PTPRD: variants seen among roughly 807,000 people sequenced by gnomAD.
PTPRD encodes the protein receptor-type tyrosine-protein phosphatase delta.
In PTPRD, 34 loss-of-function variants were observed where a neutral mutation model predicts 214.5. That is an observed-to-expected ratio of 0.16 (90% CI 0.12 to 0.21). PTPRD has a LOEUF of 0.21. Ranked by LOEUF, PTPRD falls within the 10% of genes least tolerant of loss-of-function variation. PTPRD has a pLI of 1.00. For missense variants in PTPRD, 2,545 were observed against 2,398.7 expected (o/e 1.06, Z -1.27); for synonymous variants, 1,128 against 845.7 (o/e 1.33, Z -5.79).
intron 3 of PTPRD, among the ~76,000 whole-genome samples, chr9:10,203,913 A>T (rs2154336019): frequency 6.6e-6 from 1 of 152,322 alleles, no homozygotes; most frequent in South Asian, 2.1e-4. Context: ...GCAAGGGCAA[A>T]GTTGAAGCTA....
chr9:10,228,367 C>T (rs2099596258), intron 3 of PTPRD, among the ~76,000 whole-genome samples: 3 of 152,006 alleles, frequency 2.0e-5, no homozygotes, highest in African/African-American at 7.2e-5. Flanking sequence ...CCCACATCCA[C>T]AGGATATTTC....
chr9:9,151,171 G>T (rs150104988), intron 10 of PTPRD, among the ~76,000 whole-genome samples: 3 of 152,130 alleles, frequency 2.0e-5, no homozygotes, highest in African/African-American at 7.2e-5. Flanking sequence ...CTTTTACCTC[G>T]GATCTCAATG....
intron 5 of PTPRD, among the ~76,000 whole-genome samples, chr9:9,931,145 C>CT (rs962357392): frequency 6.6e-6 from 1 of 151,990 alleles, no homozygotes; most frequent in East Asian, 1.9e-4. Context: ...TTAGAAGTTA[C>CT]TTTTTTCCTA....
rs41281783 is a variant in PTPRD at position 8,341,730 on chromosome 9, G to A, written c.4910C>T (p.Thr1637Met). 6.2e-6 allele frequency: 10 copies of A among 1,613,320 alleles called. No homozygotes were observed. The highest frequency in any genetic ancestry group is 2.2e-5 in the South Asian group (2 of 91,048). ...CTCCATTCCTGTGACATTCTCTCCC[G>A]TTTCTATTTGTGTCAGCTTCTGAAT... ...AYIQKLTQIE[T>M]GENVTGMELE... Residue 1637 changes from threonine to methionine, a missense_variant, in exon 40 of 46, where the codon ACG becomes ATG. Thr to Met is a moderately conservative substitution (Grantham distance 81). Transcript: ENST00000381196.
At chr9:10,347,365 G>C (rs557574885) in intron 2 of PTPRD, among the ~76,000 whole-genome samples, 2 of 148,946 alleles carry the variant, frequency 1.3e-5, no homozygotes, top group Admixed American at 6.7e-5. Flanking sequence ...AGCATACTTT[G>C]TATGATTTGT....
intron 9 of PTPRD, among the ~76,000 whole-genome samples, chr9:9,331,890 A>G (rs1232661839): frequency 1.3e-5 from 2 of 152,064 alleles, no homozygotes; most frequent in African/African-American, 4.8e-5. Context: ...TATGCCCAAC[A>G]TAGCAAATTC....
intron 3 of PTPRD, among the ~76,000 whole-genome samples, chr9:10,226,820 G>A (rs1027075117): frequency 1.3e-5 from 2 of 151,868 alleles, no homozygotes; most frequent in Non-Finnish European, 2.9e-5. Context: ...TCTAACTTAT[G>A]TTTTTTCCAC....
chr9:9,171,723 TATTG>T (rs2099919597), intron 10 of PTPRD, among the ~76,000 whole-genome samples: 1 of 152,048 alleles, frequency 6.6e-6, no homozygotes, highest in Non-Finnish European at 1.5e-5. Flanking sequence ...GGTTTAATAT[TATTG>T]ATTATTTTAT....
At chr9:10,054,981 T>G (rs939708152) in intron 3 of PTPRD, among the ~76,000 whole-genome samples, 1 of 147,574 alleles carries the variant, frequency 6.8e-6, no homozygotes, top group East Asian at 2.0e-4. Flanking sequence ...GTGTCCATAT[T>G]AAAAGAAAGA....
chr9:8,786,091 C>T (rs184441972), intron 11 of PTPRD, among the ~76,000 whole-genome samples: 2 of 150,956 alleles, frequency 1.3e-5, no homozygotes, highest in African/African-American at 2.4e-5. Context: ...CATTGTTCAC[C>T]GCTAGTGGCA....
intron 11 of PTPRD, among the ~76,000 whole-genome samples, chr9:8,931,520 G>C (rs1409427284): frequency 6.6e-6 from 1 of 152,124 alleles, no homozygotes; most frequent in African/African-American, 2.4e-5. Flanking sequence ...TAGCTTGATG[G>C]GGATGGCATT....
At chr9:8,967,025 G>A (rs2099200399) in intron 11 of PTPRD, among the ~76,000 whole-genome samples, 1 of 151,806 alleles carries the variant, frequency 6.6e-6, no homozygotes, top group South Asian at 2.1e-4. Flanking sequence ...CACACAGGTG[G>A]CCAATAAACA....
chr9:9,945,958 A>G (rs2092482496), intron 4 of PTPRD, among the ~76,000 whole-genome samples: 1 of 151,950 alleles, frequency 6.6e-6, no homozygotes, highest in Non-Finnish European at 1.5e-5. Flanking sequence ...ATTTAAAATG[A>G]TACAAATTAA....
intron 5 of PTPRD, among the ~76,000 whole-genome samples, chr9:9,932,166 G>C (rs1335528559): frequency 1.3e-5 from 2 of 148,698 alleles, no homozygotes; most frequent in East Asian, 3.9e-4. Context: ...AAAATGCAGA[G>C]TGCCTCTCCT....
At chr9:9,138,466 C>G (rs991894011) in intron 10 of PTPRD, among the ~76,000 whole-genome samples, 11 of 152,206 alleles carry the variant, frequency 7.2e-5, no homozygotes, top group South Asian at 2.1e-4. Context: ...TAGAATAGCT[C>G]TACCAGAAAT....
chr9:9,957,611 A>G (rs1458232116), intron 4 of PTPRD, among the ~76,000 whole-genome samples: 1 of 152,154 alleles, frequency 6.6e-6, no homozygotes, highest in Non-Finnish European at 1.5e-5. Context: ...CAAAACAACA[A>G]CAAAAACCTG....
At chr9:9,634,086 G>C (rs1168328610) in intron 7 of PTPRD, among the ~76,000 whole-genome samples, 3 of 152,004 alleles carry the variant, frequency 2.0e-5, no homozygotes, top group Non-Finnish European at 4.4e-5. Context: ...TAATACCAGA[G>C]AGTAATATGT....
intron 14 of PTPRD, among the ~76,000 whole-genome samples, chr9:8,605,701 T>C (rs2095167349): frequency 6.6e-6 from 1 of 152,238 alleles, no homozygotes; most frequent in South Asian, 2.1e-4. Context: ...TTGCACATGA[T>C]GTGACATCAG....
intron 34 of PTPRD, among the ~76,000 whole-genome samples, chr9:8,440,927 C>G (rs942797128): frequency 1.3e-5 from 2 of 152,152 alleles, no homozygotes; most frequent in South Asian, 4.1e-4. Flanking sequence ...GATGACTTCT[C>G]TACATAAGCC....
Sources: gnomAD v4.1 joint callset for allele counts (sites outside exome capture counted in the v4.1 genomes callset) on GRCh38, gnomAD v4.1.1 for gene constraint, MANE v1.5 for transcripts, NCBI Gene and HGNC (gene_info 2026-07-23, HGNC 2026-07-21) for gene names.